The following CCDC102B variants were observed in gnomAD, a reference collection of about 807,000 sequenced individuals.
The protein encoded by CCDC102B is coiled-coil domain containing 102B, also known as coiled-coil domain-containing protein 102B.
A neutral mutation model predicts 57.4 loss-of-function variants in CCDC102B; 75 were observed. That is an observed-to-expected ratio of 1.31 (90% CI 1.08 to 1.58). The LOEUF is 1.58. Ranked by LOEUF, CCDC102B falls within the 40% of genes most tolerant of loss-of-function variation. The probability of loss-of-function intolerance (pLI) is 0.00; values close to 1 mark genes in which losing one functional copy is unlikely to be tolerated. For synonymous variants in CCDC102B, 206 were observed against 201.9 expected, an observed-to-expected ratio of 1.02 and a Z score of -0.17; for missense variants, 636 against 582.6, an observed-to-expected ratio of 1.09 and a Z score of -0.94.
At chr18:68,990,982 C>T (rs753055102) in intron 6 of CCDC102B, among the ~76,000 whole-genome samples, 13 of 152,102 alleles carry the variant, frequency 8.5e-5, no homozygotes, top group East Asian at 5.8e-4. Context: ...TACTGTATTC[C>T]GTCTATTGTT....
chr18:68,994,246 G>C (rs1305829430), intron 6 of CCDC102B, among the ~76,000 whole-genome samples: 1 of 152,084 alleles, frequency 6.6e-6, no homozygotes, highest in Non-Finnish European at 1.5e-5. Context: ...AAATTTGTTG[G>C]AAATTGTCAA....
chr18:68,737,192 A>G (rs1192221253), intron 2 of CCDC102B, among the ~76,000 whole-genome samples: 2 of 152,092 alleles, frequency 1.3e-5, no homozygotes, highest in Admixed American at 1.3e-4. Context: ...GCATGGGGGT[A>G]ACATGTCTGG....
At chr18:69,007,050 T>C (rs2051370397) in intron 6 of CCDC102B, among the ~76,000 whole-genome samples, 4 of 152,344 alleles carry the variant, frequency 2.6e-5, no homozygotes, top group African/African-American at 9.6e-5. Context: ...ATAGTGTAGG[T>C]ACCTGGGAAG....
intron 6 of CCDC102B, among the ~76,000 whole-genome samples, chr18:68,949,475 G>T (rs2049633976): frequency 6.6e-6 from 1 of 152,088 alleles, no homozygotes; most frequent in Non-Finnish European, 1.5e-5. Flanking sequence ...TATGAGGTAG[G>T]AATATGCTTG....
At chr18:68,734,646 AT>A (rs2033045632) in intron 2 of CCDC102B, 1 of 152,120 alleles carries the variant, frequency 6.6e-6, no homozygotes, top group Non-Finnish European at 1.5e-5. Context: ...TTTTTTTCAT[AT>A]TTTTATAAAA....
chr18:68,949,029 A>T (rs1478635717), intron 6 of CCDC102B, among the ~76,000 whole-genome samples: 1 of 152,126 alleles, frequency 6.6e-6, no homozygotes, highest in Non-Finnish European at 1.5e-5. Flanking sequence ...CAAGGGCAGG[A>T]AGCATCCAGC....
At chr18:69,026,457 CAAA>C (rs547625543) in intron 7 of CCDC102B, among the ~76,000 whole-genome samples, 7 of 74,986 alleles carry the variant, frequency 9.3e-5, no homozygotes, top group Admixed American at 2.8e-4. Context: ...AACCCTGTCT[CAAA>C]AAAAAAAAAA....
intron 2 of CCDC102B, among the ~76,000 whole-genome samples, chr18:68,762,392 T>C (rs2034281652): frequency 6.6e-6 from 1 of 152,016 alleles, no homozygotes; most frequent in South Asian, 2.1e-4. Flanking sequence ...TTTGTTGTTG[T>C]TTGTTTTTTG....
At chr18:68,891,134 T>C (rs73462057) in intron 5 of CCDC102B, among the ~76,000 whole-genome samples, 6,031 of 152,292 alleles carry the variant, frequency 0.04, 201 homozygotes, top group African/African-American at 0.081. Flanking sequence ...TGCTTTATTT[T>C]AAAATATATA....
In CCDC102B at chr18:69,022,324, ATATG is replaced by A. The variant is rs1387761140; in HGVS notation, c.1434+11222_1434+11225del. On this transcript the variant is annotated intron_variant, in intron 7 of 7. Transcript: ENST00000360242. ...ACACACATATATATGGGCCATATAT[ATATG>A]TGTGTATGTGTATTAGTTATATATA... Among the ~76,000 whole-genome samples, 724 of 145,906 alleles carry A rather than the reference ATATG, an allele frequency of 5.0e-3. 11 individuals are homozygous for A. Among genetic ancestry groups the A allele is most frequent in the African/African-American group, 0.017 (660 of 38,904 alleles).
chr18:68,717,298 A>G (rs913752845), intron 2 of CCDC102B, among the ~76,000 whole-genome samples: 1 of 152,210 alleles, frequency 6.6e-6, no homozygotes, highest in African/African-American at 2.4e-5. Context: ...TTGTAATGAG[A>G]TGTACTATAA....
chr18:68,718,406 C>A (rs890133690), intron 2 of CCDC102B, among the ~76,000 whole-genome samples: 2 of 152,084 alleles, frequency 1.3e-5, no homozygotes, highest in Non-Finnish European at 2.9e-5. Context: ...ACAGAAGAAG[C>A]CAGAAACTAA....
chr18:68,746,895 T>G (rs949651156), intron 2 of CCDC102B, among the ~76,000 whole-genome samples: 2 of 152,058 alleles, frequency 1.3e-5, no homozygotes, highest in African/African-American at 4.8e-5. Flanking sequence ...ATATACCCCC[T>G]TTTTATGGTG....
At chr18:68,852,604 C>G (rs550727718) in intron 4 of CCDC102B, among the ~76,000 whole-genome samples, 1 of 152,184 alleles carries the variant, frequency 6.6e-6, no homozygotes, top group East Asian at 1.9e-4. Flanking sequence ...TTTCAGAACT[C>G]ATAGAATTTT....
chr18:68,724,752 A>G (rs1196931485), intron 2 of CCDC102B, among the ~76,000 whole-genome samples: 1 of 152,158 alleles, frequency 6.6e-6, no homozygotes, highest in Non-Finnish European at 1.5e-5. Context: ...GTCTCTAGGA[A>G]GTTCCAAACT....
chr18:68,888,201 T>C (rs1341975657), intron 5 of CCDC102B, among the ~76,000 whole-genome samples: 3 of 152,054 alleles, frequency 2.0e-5, no homozygotes, highest in Admixed American at 2.0e-4. Flanking sequence ...TAAGAAATGG[T>C]ATGGAAAAAT....
chr18:68,976,139 A>G (rs1032230288), intron 6 of CCDC102B, among the ~76,000 whole-genome samples: 2 of 152,062 alleles, frequency 1.3e-5, no homozygotes, highest in South Asian at 4.1e-4. Flanking sequence ...TGTGGGTTTT[A>G]GGTTTCAAGT....
intron 2 of CCDC102B, among the ~76,000 whole-genome samples, chr18:68,762,503 T>C (rs1449871975): frequency 6.6e-6 from 1 of 152,118 alleles, no homozygotes; most frequent in Non-Finnish European, 1.5e-5. Flanking sequence ...GTCATGGTAT[T>C]CCAGAGCTTG....
chr18:68,887,079 A>C (rs114707860), intron 5 of CCDC102B, among the ~76,000 whole-genome samples: 24 of 152,206 alleles, frequency 1.6e-4, no homozygotes, highest in African/African-American at 5.8e-4. Flanking sequence ...GGCCCCCACA[A>C]AGGTTTTTCC....
Sources: gnomAD v4.1 joint callset for allele counts (sites outside exome capture counted in the v4.1 genomes callset) on GRCh38, gnomAD v4.1.1 for gene constraint, MANE v1.5 for transcripts, NCBI Gene and HGNC (gene_info 2026-07-23, HGNC 2026-07-21) for gene names.